NTNG1: variants seen among roughly 807,000 people sequenced by gnomAD.
The protein encoded by NTNG1 is netrin G1, also known as netrin-G1.
A neutral mutation model predicts 54.0 loss-of-function variants in NTNG1; 16 were observed. The observed-to-expected ratio is 0.30, with a 90% CI of 0.20 to 0.45. NTNG1 has a LOEUF of 0.45. Among genes scored for constraint, NTNG1 ranks in the 20% least tolerant of loss-of-function variants. The pLI, the probability that NTNG1 is intolerant of heterozygous loss-of-function variation, is 1.00. For synonymous variants in NTNG1, 255 were observed against 263.1 expected, an observed-to-expected ratio of 0.97 and a Z score of 0.30; for missense variants, 530 against 678.7, an observed-to-expected ratio of 0.78 and a Z score of 2.43.
At chr1:107,218,166 A>G (rs1660098723) in intron 2 of NTNG1, among the ~76,000 whole-genome samples, 1 of 151,906 alleles carries the variant, frequency 6.6e-6, no homozygotes, top group Non-Finnish European at 1.5e-5. Context: ...GGACTGTGAT[A>G]TTTTCCTGTT....
At chr1:107,298,941 C>A (rs954445010) in intron 2 of NTNG1, among the ~76,000 whole-genome samples, 11 of 152,160 alleles carry the variant, frequency 7.2e-5, no homozygotes, top group Admixed American at 5.2e-4. Flanking sequence ...AAAAACCCTG[C>A]AGATGGTAAA....
chr1:107,425,531 G>A (rs1674848922), intron 5 of NTNG1, among the ~76,000 whole-genome samples: 1 of 152,022 alleles, frequency 6.6e-6, no homozygotes, highest in Non-Finnish European at 1.5e-5. Flanking sequence ...TCTTATGTCT[G>A]CATAGTATTT....
chr1:107,230,438 A>C (rs1399233011), intron 2 of NTNG1, among the ~76,000 whole-genome samples: 2 of 152,130 alleles, frequency 1.3e-5, no homozygotes, highest in Non-Finnish European at 2.9e-5. Context: ...AAGATAAGAG[A>C]GCTCTATGGG....
At chr1:107,285,927 A>G (rs1004850093) in intron 2 of NTNG1, among the ~76,000 whole-genome samples, 4 of 152,114 alleles carry the variant, frequency 2.6e-5, no homozygotes, top group Non-Finnish European at 4.4e-5. Context: ...CCTCACCGCT[A>G]TCTCTTGGAA....
At chr1:107,156,074 G>A (rs1426480373) in intron 2 of NTNG1, among the ~76,000 whole-genome samples, 1 of 152,108 alleles carries the variant, frequency 6.6e-6, no homozygotes, top group Non-Finnish European at 1.5e-5. Flanking sequence ...ATAACAACAA[G>A]ATCACCTAAT....
intron 2 of NTNG1, among the ~76,000 whole-genome samples, chr1:107,268,786 A>G (rs985654721): frequency 6.6e-6 from 1 of 152,172 alleles, no homozygotes; most frequent in Admixed American, 6.5e-5. Flanking sequence ...CTCCAGTTCA[A>G]TGCAACTCCA....
intron 4 of NTNG1, among the ~76,000 whole-genome samples, chr1:107,400,829 T>TA (rs1444013282): frequency 6.6e-6 from 1 of 152,082 alleles, no homozygotes; most frequent in Non-Finnish European, 1.5e-5. Context: ...TTTGTATTTT[T>TA]AGTAGAGAAA....
chr1:107,261,330 C>T lies in NTNG1; in HGVS notation c.247-62952C>T, dbSNP rs572197423. 2.6e-5 allele frequency among the ~76,000 whole-genome samples: 4 copies of T among 152,076 alleles called. No individual in the cohort carries two copies. The East Asian group carries it at 7.7e-4, about 29-fold the overall frequency. On this transcript the variant is annotated intron_variant, in intron 2 of 7. Transcript: ENST00000370068. ...ACTATGATAAATGCTTTGTAAGCATCTAAGATTTTCTTAAAATACCAGACA... is the reference window on the plus strand; with the variant it reads ...ACTATGATAAATGCTTTGTAAGCATTTAAGATTTTCTTAAAATACCAGACA...
At chr1:107,364,654 G>A (rs916063753) in intron 3 of NTNG1, among the ~76,000 whole-genome samples, 22 of 152,162 alleles carry the variant, frequency 1.4e-4, no homozygotes, top group African/African-American at 5.1e-4. Context: ...ACATAAGAAA[G>A]CATCTCCATC....
chr1:107,195,887 C>G (rs1461720915), intron 2 of NTNG1, among the ~76,000 whole-genome samples: 1 of 151,980 alleles, frequency 6.6e-6, no homozygotes, highest in Non-Finnish European at 1.5e-5. Context: ...CTTTCTCACC[C>G]TGTGCCCACA....
chr1:107,482,585 G>A lies in NTNG1; in HGVS notation c.*1745G>A, dbSNP rs1230012827. 1 of 152,160 alleles carries A rather than the reference G, an allele frequency of 6.6e-6. No individual in the cohort carries two copies. The highest frequency in any genetic ancestry group is 2.4e-5 in the African/African-American group (1 of 41,404). 9.4% of individuals were successfully genotyped at this position (152,160 alleles called of 1,614,324 possible). On this transcript the variant is annotated 3_prime_UTR_variant, in exon 8 of 8. Transcript: ENST00000370068. ...AAGTGTATTAGCAGCAGCATCTCCT[G>A]GAATCAAAAACAATTATCAGCCCGA...
intron 2 of NTNG1, among the ~76,000 whole-genome samples, chr1:107,219,072 C>T (rs1022086931): frequency 6.6e-6 from 1 of 151,680 alleles, no homozygotes; most frequent in African/African-American, 2.4e-5. Flanking sequence ...GGTCATTTGA[C>T]ATAATCCCAA....
At chr1:107,406,778 GC>G (rs1332834571) in intron 4 of NTNG1, among the ~76,000 whole-genome samples, 1 of 152,080 alleles carries the variant, frequency 6.6e-6, no homozygotes, top group African/African-American at 2.4e-5. Context: ...TATAACTCTT[GC>G]AGCAACCCTA....
intron 2 of NTNG1, among the ~76,000 whole-genome samples, chr1:107,241,607 ACAAAGCATCAGTGAC>A (rs1661834781): frequency 6.6e-6 from 1 of 152,214 alleles, no homozygotes; most frequent in African/African-American, 2.4e-5. Flanking sequence ...CTCAAACAGG[ACAAAGCATCAGTGAC>A]CAAAGCAACA....
intron 7 of NTNG1, among the ~76,000 whole-genome samples, chr1:107,454,873 A>G (rs1676841307): frequency 6.6e-6 from 1 of 152,186 alleles, no homozygotes; most frequent in African/African-American, 2.4e-5. Flanking sequence ...ATTTGAGGTC[A>G]GGAATTTAGA....
chr1:107,365,538 A>G (rs947401357), intron 3 of NTNG1, among the ~76,000 whole-genome samples: 20 of 152,350 alleles, frequency 1.3e-4, no homozygotes, highest in African/African-American at 2.4e-5. Flanking sequence ...TAATTTTTAT[A>G]TATGCAATTT....
intron 2 of NTNG1, among the ~76,000 whole-genome samples, chr1:107,185,392 G>C (rs924778464): frequency 4.6e-5 from 7 of 152,090 alleles, no homozygotes; most frequent in African/African-American, 1.2e-4. Flanking sequence ...GCTTGCAGCT[G>C]CATCAGTCCA....
intron 2 of NTNG1, among the ~76,000 whole-genome samples, chr1:107,287,289 T>C (rs1052714562): frequency 1.3e-5 from 2 of 152,166 alleles, no homozygotes; most frequent in Non-Finnish European, 2.9e-5. Context: ...GATAAAACAG[T>C]ATTTAAATAA....
chr1:107,397,760 A>G (rs975268), intron 4 of NTNG1, among the ~76,000 whole-genome samples: 22,571 of 151,444 alleles, frequency 0.15, 1,791 homozygotes, highest in Middle Eastern at 0.24. Flanking sequence ...TTTAAGTAGT[A>G]AAGGAAGTAT....
Sources: allele counts gnomAD v4.1 joint callset (sites outside exome capture counted in the v4.1 genomes callset), GRCh38; gene constraint gnomAD v4.1.1; transcripts MANE v1.5; gene names NCBI Gene and HGNC (gene_info 2026-07-23, HGNC 2026-07-21).